KCNIP4: variants seen among roughly 807,000 people sequenced by gnomAD.
The protein encoded by KCNIP4 is Kv channel-interacting protein 4.
KCNIP4 carries 12 observed loss-of-function variants against 34.0 expected under a neutral mutation model. The observed-to-expected ratio is 0.35, with a 90% CI of 0.23 to 0.57. KCNIP4 has a LOEUF of 0.57. Ranked by LOEUF, KCNIP4 falls within the 20% of genes least tolerant of loss-of-function variation. The pLI is 0.83. For synonymous variants in KCNIP4, 124 were observed against 102.2 expected, an observed-to-expected ratio of 1.21 and a Z score of -1.29; for missense variants, 238 against 311.7, an observed-to-expected ratio of 0.76 and a Z score of 1.78.
intron 1 of KCNIP4, among the ~76,000 whole-genome samples, chr4:20,917,965 AC>A (rs1344495763): frequency 1.3e-5 from 2 of 152,106 alleles, no homozygotes; most frequent in Non-Finnish European, 2.9e-5. Context: ...CACAGCTCTA[AC>A]CTTTTGCAGG....
At chr4:21,635,062 T>C (rs1372152995) in intron 1 of KCNIP4, among the ~76,000 whole-genome samples, 2 of 152,190 alleles carry the variant, frequency 1.3e-5, no homozygotes, top group Non-Finnish European at 2.9e-5. Flanking sequence ...TAAAATTCTA[T>C]CTTCTTTTGT....
chr4:21,129,990 T>C (rs995829413), intron 1 of KCNIP4, among the ~76,000 whole-genome samples: 1 of 152,194 alleles, frequency 6.6e-6, no homozygotes, highest in African/African-American at 2.4e-5. Context: ...CTGTATTAGC[T>C]GAACTATAAA....
rs1203692224 is a variant in KCNIP4 at position 20,819,962 on chromosome 4, TTG to T, written c.288+30579_288+30580del. On this transcript the variant is annotated intron_variant, in intron 3 of 8. Coordinates refer to ENST00000382152, the MANE Select transcript of KCNIP4 (RefSeq NM_025221.6). ...GATAAGTTACCTAGTCTCAGGCATTTTGTTATAGCACCAGGAACTGCTGGTAC... is the reference window on the plus strand; with the variant it reads ...GATAAGTTACCTAGTCTCAGGCATTTTTATAGCACCAGGAACTGCTGGTAC... Among the ~76,000 whole-genome samples the T allele has an allele frequency of 1.6e-4, 25 of 152,346 alleles. No homozygotes were observed. The East Asian group carries it at 4.4e-3, about 27-fold the overall frequency.
intron 2 of KCNIP4, among the ~76,000 whole-genome samples, chr4:20,851,455 C>T (rs1560514274): frequency 6.6e-6 from 1 of 152,148 alleles, no homozygotes; most frequent in Admixed American, 6.6e-5. Flanking sequence ...TAGGTTGATT[C>T]TGTGACTTTC....
intron 1 of KCNIP4, among the ~76,000 whole-genome samples, chr4:21,438,190 G>T (rs766121175): frequency 1.3e-5 from 2 of 152,076 alleles, no homozygotes; most frequent in Non-Finnish European, 2.9e-5. Context: ...CTCAAAGTTC[G>T]AATGAGGCCC....
intron 3 of KCNIP4, among the ~76,000 whole-genome samples, chr4:20,849,606 G>A (rs573631749): frequency 9.9e-5 from 15 of 151,506 alleles, no homozygotes; most frequent in African/African-American, 2.2e-4. Flanking sequence ...ACTTCTACAC[G>A]CACTGGAACT....
chr4:21,528,685 A>G (rs530183963), intron 1 of KCNIP4, among the ~76,000 whole-genome samples: 34 of 2,174 alleles, frequency 0.016, no homozygotes, highest in Non-Finnish European at 0.025. Flanking sequence ...CAAAGAAAGA[A>G]AGAAAGAAAG....
At chr4:21,117,309 G>T (rs913114155) in intron 1 of KCNIP4, among the ~76,000 whole-genome samples, 31 of 130,466 alleles carry the variant, frequency 2.4e-4, no homozygotes, top group South Asian at 1.2e-3. Flanking sequence ...CCGGGGGGGG[G>T]GGGGGGGGGG....
chr4:21,193,625 G>A (rs989980652), intron 1 of KCNIP4, among the ~76,000 whole-genome samples: 1 of 145,052 alleles, frequency 6.9e-6, no homozygotes, highest in African/African-American at 2.6e-5. Flanking sequence ...AGGCTGGAGT[G>A]CAGTGGCGCA....
intron 1 of KCNIP4, among the ~76,000 whole-genome samples, chr4:21,499,161 T>C (rs1196117735): frequency 1.3e-5 from 2 of 151,974 alleles, no homozygotes; most frequent in South Asian, 2.1e-4. Flanking sequence ...TGAAACCCCA[T>C]CTCTACTAAA....
intron 1 of KCNIP4, among the ~76,000 whole-genome samples, chr4:21,329,935 C>G (rs1715459880): frequency 6.6e-6 from 1 of 152,106 alleles, no homozygotes; most frequent in Non-Finnish European, 1.5e-5. Flanking sequence ...TTGAGATGAG[C>G]TCAAGGCCTC....
intron 1 of KCNIP4, among the ~76,000 whole-genome samples, chr4:21,771,151 C>T (rs183042357): frequency 0.049 from 7,474 of 152,234 alleles, 254 homozygotes; most frequent in Non-Finnish European, 0.072. Context: ...TTTCAGTTTT[C>T]TGCATATGGC....
At chr4:21,490,975 T>C (rs1024039380) in intron 1 of KCNIP4, among the ~76,000 whole-genome samples, 1 of 152,098 alleles carries the variant, frequency 6.6e-6, no homozygotes, top group East Asian at 1.9e-4. Flanking sequence ...GAACAGCAGG[T>C]GCAAAGATCT....
intron 1 of KCNIP4, among the ~76,000 whole-genome samples, chr4:21,051,460 T>C (rs1433291871): frequency 1.3e-5 from 2 of 152,234 alleles, no homozygotes; most frequent in African/African-American, 4.8e-5. Context: ...TTACATGTTT[T>C]ACTTGCCACT....
intron 1 of KCNIP4, among the ~76,000 whole-genome samples, chr4:20,957,167 G>A (rs1318381779): frequency 6.6e-6 from 1 of 152,170 alleles, no homozygotes; most frequent in South Asian, 2.1e-4. Context: ...TTAAGTAAAA[G>A]ACCAAGAACG....
chr4:21,476,743 G>A (rs780064880), intron 1 of KCNIP4, among the ~76,000 whole-genome samples: 8 of 152,138 alleles, frequency 5.3e-5, no homozygotes, highest in East Asian at 3.8e-4. Context: ...TTAACCAGAC[G>A]CTGTGATATT....
At chr4:21,740,246 A>G (rs946436305) in intron 1 of KCNIP4, among the ~76,000 whole-genome samples, 1 of 152,154 alleles carries the variant, frequency 6.6e-6, no homozygotes, top group Non-Finnish European at 1.5e-5. Flanking sequence ...TTAAATATTT[A>G]TATATGCACA....
At chr4:20,890,150 A>G (rs1725777355) in intron 1 of KCNIP4, among the ~76,000 whole-genome samples, 1 of 152,198 alleles carries the variant, frequency 6.6e-6, no homozygotes, top group Admixed American at 6.5e-5. Context: ...AATGCTAACT[A>G]TGTGCTAGGA....
At chr4:21,111,014 C>G (rs546338235) in intron 1 of KCNIP4, among the ~76,000 whole-genome samples, 2 of 152,174 alleles carry the variant, frequency 1.3e-5, no homozygotes, top group African/African-American at 4.8e-5. Context: ...TGTTTTCTCT[C>G]TATACAAATT....
Sources: gnomAD v4.1 joint callset for allele counts (sites outside exome capture counted in the v4.1 genomes callset) on GRCh38, gnomAD v4.1.1 for gene constraint, MANE v1.5 for transcripts, NCBI Gene and HGNC (gene_info 2026-07-23, HGNC 2026-07-21) for gene names.